PRRX2: variants seen among roughly 807,000 people sequenced by gnomAD.
PRRX2 encodes the protein paired related homeobox 2, also known as paired mesoderm homeobox protein 2.
A neutral mutation model predicts 18.0 loss-of-function variants in PRRX2; 11 were observed. The ratio of observed to expected loss-of-function variants is 0.61; its 90% CI spans 0.39 to 1.01. The LOEUF (loss-of-function observed/expected upper bound fraction) is 1.01, where lower values mean the gene tolerates loss of function less well. PRRX2 is among the 50% of genes least tolerant of loss of function. The pLI, the probability that PRRX2 is intolerant of heterozygous loss-of-function variation, is 0.01. For synonymous variants in PRRX2, 177 were observed against 154.8 expected, an observed-to-expected ratio of 1.14 and a Z score of -1.06; for missense variants, 387 against 351.0, an observed-to-expected ratio of 1.10 and a Z score of -0.82.
intron 1 of PRRX2, among the ~76,000 whole-genome samples, chr9:129,678,472 A>G (rs530702529): frequency 7.2e-5 from 11 of 152,278 alleles, no homozygotes; most frequent in African/African-American, 1.9e-4. Context: ...ACAACACACG[A>G]CGGGGCCCCT....
intron 2 of PRRX2, 93 bp from the exon 3 acceptor site, chr9:129,720,503 C>T: frequency 7.8e-7 from 1 of 1,288,848 alleles, no homozygotes; most frequent in Non-Finnish European, 1.1e-6. Context: ...GCTGCCAGCC[C>T]TGGGCTGGTG....
intron 1 of PRRX2, among the ~76,000 whole-genome samples, chr9:129,700,154 A>G (rs1832475714): frequency 6.6e-6 from 1 of 152,114 alleles, no homozygotes; most frequent in Non-Finnish European, 1.5e-5. Context: ...AATTTTCACA[A>G]CAACTCTGGG....
At chr9:129,683,692 G>A (rs1178397966) in intron 1 of PRRX2, among the ~76,000 whole-genome samples, 4 of 151,898 alleles carry the variant, frequency 2.6e-5, no homozygotes, top group Admixed American at 1.3e-4. Context: ...CAGAGATCGC[G>A]CCACTGCACT....
At chr9:129,720,849 C>T (rs906467675) in intron 3 of PRRX2, 75 bp downstream of exon 3, 1 of 1,397,436 alleles carries the variant, frequency 7.2e-7, no homozygotes, top group Non-Finnish European at 9.4e-7. Context: ...GCCTGGACTC[C>T]TCTGAGGGTC....
intron 1 of PRRX2, among the ~76,000 whole-genome samples, chr9:129,684,525 C>T (rs1588165039): frequency 2.8e-5 from 1 of 35,702 alleles, no homozygotes; most frequent in East Asian, 5.1e-4. Context: ...CACACACACC[C>T]ACACACACCC....
chr9:129,665,915 C>T lies in PRRX2; in HGVS notation c.48C>T (p.Gly16=). ...AAFALDKPAL[G]PGPPPPPPAL... is the part of the protein sequence containing the mutation. Reference sequence around the variant, plus strand: ...TCGCCCTGGACAAGCCGGCGCTGGGCCCGGGGCCGCCGCCGCCTCCACCCG... The same window carrying T: ...TCGCCCTGGACAAGCCGGCGCTGGGTCCGGGGCCGCCGCCGCCTCCACCCG... The change falls in exon 1 of 4, where the codon GGC becomes GGT. Residue 16 remains glycine (G), a synonymous_variant. Coordinates refer to ENST00000372469, the MANE Select transcript of PRRX2 (RefSeq NM_016307.4). The surrounding 1 kb of genome is among the most constrained non-coding windows in gnomAD (Gnocchi z 5.3). 1.8e-6 allele frequency: 2 copies of T among 1,114,410 alleles called. No individual in the cohort carries two copies. The highest frequency in any genetic ancestry group is 5.1e-5 in the Admixed American group (1 of 19,678). 69.0% of individuals were successfully genotyped at this position (1,114,410 alleles called of 1,614,324 possible).
rs531363901 is a variant in PRRX2 at position 129,676,914 on chromosome 9, A to AAGT, written c.259+10788_259+10789insAGT. The stretch of plus-strand genomic sequence containing the variant: ...CTCCCTAAGTTGGGAAGAAAGACAA[A>AAGT]TGGGCATTTTGTTTCATTTCCCCTC... On this transcript the variant is annotated intron_variant, in intron 1 of 3. Coordinates refer to ENST00000372469, the MANE Select transcript of PRRX2 (RefSeq NM_016307.4). 4.6e-5 allele frequency among the ~76,000 whole-genome samples: 7 copies of AAGT among 152,314 alleles called. No homozygotes were observed. The South Asian group carries it at 1.2e-3, about 27-fold the overall frequency.
Position 129,684,460 on chromosome 9 carries a change from C to CACACATA in PRRX2, c.259+18334_259+18335insACACATA, listed in dbSNP as rs1415884580. Among the ~76,000 whole-genome samples, 10 of 125,200 alleles carry CACACATA rather than the reference C, an allele frequency of 8.0e-5. 1 individual carries two copies. The highest frequency in any genetic ancestry group is 3.1e-4 in the African/African-American group (10 of 31,780). The allele number at this position is 125,200 out of a possible 152,430, so 82.1% of individuals were successfully genotyped here. A position where few individuals can be genotyped will look rare whatever the true frequency, so the allele number is the denominator to read the frequency against. On this transcript the variant is annotated intron_variant, in intron 1 of 3. Transcript: ENST00000372469. ...CACACACACACACACACACACACAC[C>CACACATA]CAACAGAAAAGATACCAGAAATCAC...
At chr9:129,672,066 C>T (rs572968624) in intron 1 of PRRX2, among the ~76,000 whole-genome samples, 11 of 152,214 alleles carry the variant, frequency 7.2e-5, no homozygotes, top group Middle Eastern at 3.4e-3. Flanking sequence ...AGGCTGGACG[C>T]GGCAGAACTT....
Position 129,720,711 on chromosome 9 carries a change from T to C in PRRX2, c.563T>C (p.Val188Ala). 2 of 1,612,998 alleles carry C rather than the reference T, an allele frequency of 1.2e-6. No individual in the cohort carries two copies. The highest frequency in any genetic ancestry group is 1.7e-5 in the Admixed American group (1 of 59,948). Reference protein sequence around the residue: ...YSQEAAIEQPVAPRPTALSPD... With the variant: ...YSQEAAIEQPAAPRPTALSPD... Reference sequence around the variant, plus strand: ...CAGGAGGCCGCCATCGAGCAGCCCGTGGCTCCCCGGCCCACCGCCCTGAGT... The same window carrying C: ...CAGGAGGCCGCCATCGAGCAGCCCGCGGCTCCCCGGCCCACCGCCCTGAGT... Residue 188 changes from valine to alanine, a missense_variant, in exon 3 of 4, where the codon GTG becomes GCG. By Grantham distance (64) the Val-to-Ala change is moderately conservative (BLOSUM62 0). Coordinates refer to ENST00000372469, the MANE Select transcript of PRRX2 (RefSeq NM_016307.4).
intron 3 of PRRX2, among the ~76,000 whole-genome samples, chr9:129,721,429 G>T (rs1832790883): frequency 6.6e-6 from 1 of 152,156 alleles, no homozygotes; most frequent in Non-Finnish European, 1.5e-5. Context: ...TGCTCCTTGG[G>T]CTGTGAGGGT....
At chr9:129,668,778 C>CA (rs562855941) in intron 1 of PRRX2, among the ~76,000 whole-genome samples, 17,112 of 57,970 alleles carry the variant, frequency 0.3, 1,710 homozygotes, top group Non-Finnish European at 0.32. Flanking sequence ...GACTCCATCT[C>CA]AAAAAAAAAA....
rs571309170 is a variant in PRRX2, at chr9:129,719,451, C to G, written c.447+33C>G. 6.8e-6 allele frequency: 10 copies of G among 1,463,820 alleles called. No individual in the cohort carries two copies. In the East Asian group the frequency reaches 2.1e-4, roughly 30 times the overall value. 90.7% of individuals were successfully genotyped at this position (1,463,820 alleles called of 1,614,324 possible). ...CTCAGTCCCGGGCCTCCCGTGGGAG[C>G]GTGCGCGTGGGAGCGCACAGCCACT... is the stretch of plus-strand genomic sequence containing the variant. On this transcript the variant is annotated intron_variant, in intron 2 of 3. Coordinates refer to ENST00000372469, the MANE Select transcript of PRRX2 (RefSeq NM_016307.4).
At chr9:129,720,334 C>A (rs371103208) in intron 2 of PRRX2, among the ~76,000 whole-genome samples, 65 of 152,298 alleles carry the variant, frequency 4.3e-4, no homozygotes, top group African/African-American at 1.4e-3. Flanking sequence ...CACCTCGCTC[C>A]CAGTGGCCGA....
At chr9:129,691,524 T>C (rs568413620) in intron 1 of PRRX2, among the ~76,000 whole-genome samples, 4 of 152,222 alleles carry the variant, frequency 2.6e-5, no homozygotes, top group South Asian at 4.2e-4. Context: ...CTTCTCGATT[T>C]CGTCTTCATT....
chr9:129,718,108 C>T (rs1034993072), intron 1 of PRRX2, among the ~76,000 whole-genome samples: 2 of 143,588 alleles, frequency 1.4e-5, no homozygotes, highest in Non-Finnish European at 3.1e-5. Context: ...CCAGAGGTTG[C>T]CACTCCAGGA....
chr9:129,682,435 A>G (rs746753771), intron 1 of PRRX2, among the ~76,000 whole-genome samples: 1 of 152,114 alleles, frequency 6.6e-6, no homozygotes, highest in Non-Finnish European at 1.5e-5. Context: ...CAGGCCCCCA[A>G]GGACGCTCAT....
intron 1 of PRRX2, among the ~76,000 whole-genome samples, chr9:129,706,005 G>A (rs912397001): frequency 7.2e-5 from 11 of 151,898 alleles, no homozygotes; most frequent in African/African-American, 2.4e-4. Flanking sequence ...CACTACCTGT[G>A]GCACCCCCAG....
At chr9:129,693,033 T>G (rs1832380414) in intron 1 of PRRX2, among the ~76,000 whole-genome samples, 1 of 152,348 alleles carries the variant, frequency 6.6e-6, no homozygotes. Context: ...TGAGAGTTCC[T>G]GTTGCCCCAC....
Sources: gnomAD v4.1 joint callset for allele counts (sites outside exome capture counted in the v4.1 genomes callset) on GRCh38, gnomAD v4.1.1 for gene constraint, Gnocchi (gnomAD v3.1) non-coding constraint, MANE v1.5 for transcripts, NCBI Gene and HGNC (gene_info 2026-07-23, HGNC 2026-07-21) for gene names.